The following PSMD14 variants were observed in gnomAD, a reference collection of about 807,000 sequenced individuals.
The protein encoded by PSMD14 is proteasome 26S subunit, non-ATPase 14.
A neutral mutation model predicts 41.2 loss-of-function variants in PSMD14; 7 were observed. The ratio of observed to expected loss-of-function variants is 0.17; its 90% CI spans 0.10 to 0.32. PSMD14 has a LOEUF of 0.32. PSMD14 is among the 10% of genes least tolerant of loss of function. The probability of loss-of-function intolerance (pLI) is 1.00; values close to 1 mark genes in which losing one functional copy is unlikely to be tolerated. For missense variants in PSMD14, 139 were observed against 375.6 expected (o/e 0.37, Z 5.21); for synonymous variants, 114 against 122.3 (o/e 0.93, Z 0.45).
At chr2:161,340,834 C>G in intron 3 of PSMD14, 2 of 1,613,992 alleles carry the variant, frequency 1.2e-6, no homozygotes, top group Non-Finnish European at 1.7e-6. Context: ...GTTCTCTGCT[C>G]CTCCTCCAGC....
chr2:161,400,345 G>A (rs371449473), intron 10 of PSMD14, among the ~76,000 whole-genome samples: 1 of 152,128 alleles, frequency 6.6e-6, no homozygotes, highest in Non-Finnish European at 1.5e-5. Flanking sequence ...AGAGAAGAAA[G>A]GGCAAAAGGG....
At chr2:161,340,833 T>C in intron 3 of PSMD14, 3 of 1,613,976 alleles carry the variant, frequency 1.9e-6, no homozygotes, top group South Asian at 1.1e-5. Context: ...AGTTCTCTGC[T>C]CCTCCTCCAG....
At chr2:161,406,002 AC>A (rs921851104) in intron 10 of PSMD14, among the ~76,000 whole-genome samples, 5 of 152,136 alleles carry the variant, frequency 3.3e-5, no homozygotes, top group African/African-American at 1.2e-4. Flanking sequence ...AACAACAACA[AC>A]AAAAACAACA....
chr2:161,327,722 G>A (rs115432269), intron 3 of PSMD14, among the ~76,000 whole-genome samples: 2,358 of 152,096 alleles, frequency 0.016, 46 homozygotes, highest in Non-Finnish European at 0.018. Context: ...GCAACACCAC[G>A]TAGTTCATTC....
chr2:161,380,762 A>T (rs1476458474), intron 7 of PSMD14, among the ~76,000 whole-genome samples: 1 of 152,036 alleles, frequency 6.6e-6, no homozygotes, highest in African/African-American at 2.4e-5. Context: ...AAATGGCATA[A>T]AAAGTAAGAT....
intron 3 of PSMD14, among the ~76,000 whole-genome samples, chr2:161,343,512 G>A (rs747076701): frequency 6.6e-6 from 1 of 152,178 alleles, no homozygotes; most frequent in Non-Finnish European, 1.5e-5. Flanking sequence ...GAATATTGCT[G>A]CTATGAACAT....
intron 3 of PSMD14, among the ~76,000 whole-genome samples, chr2:161,330,296 A>T (rs1421070845): frequency 6.6e-6 from 1 of 152,222 alleles, no homozygotes; most frequent in East Asian, 1.9e-4. Flanking sequence ...TTTTGGTAGA[A>T]AGTATATGGG....
At chr2:161,333,849 G>A (rs1043701794) in intron 3 of PSMD14, among the ~76,000 whole-genome samples, 1 of 151,962 alleles carries the variant, frequency 6.6e-6, no homozygotes, top group African/African-American at 2.4e-5. Flanking sequence ...TGGTCAGCAT[G>A]GTGAAACCCC....
intron 3 of PSMD14, among the ~76,000 whole-genome samples, chr2:161,323,641 T>C (rs1426939092): frequency 1.3e-5 from 2 of 151,692 alleles, no homozygotes; most frequent in Non-Finnish European, 2.9e-5. Context: ...CCAGCCTGGG[T>C]GACAGAGTGA....
At chr2:161,357,877 C>G (rs1683229487) in intron 3 of PSMD14, among the ~76,000 whole-genome samples, 1 of 147,892 alleles carries the variant, frequency 6.8e-6, no homozygotes, top group South Asian at 2.1e-4. Flanking sequence ...CCATCACATT[C>G]AATCTCCAAT....
At chr2:161,390,333 T>G (rs1000962878) in intron 8 of PSMD14, among the ~76,000 whole-genome samples, 19 of 152,152 alleles carry the variant, frequency 1.2e-4, no homozygotes, top group Admixed American at 4.6e-4. Context: ...ACTTTCATGT[T>G]TTTCTAGGCT....
chr2:161,356,975 A>G (rs1206063797), intron 3 of PSMD14, among the ~76,000 whole-genome samples: 4 of 152,074 alleles, frequency 2.6e-5, no homozygotes, highest in African/African-American at 4.8e-5. Flanking sequence ...ACTAAGAGAA[A>G]GGTGGAGTAA....
At chr2:161,331,338 G>A (rs1173223034) in intron 3 of PSMD14, among the ~76,000 whole-genome samples, 1 of 151,300 alleles carries the variant, frequency 6.6e-6, no homozygotes, top group Non-Finnish European at 1.5e-5. Flanking sequence ...TCTCGGCTCA[G>A]TGCAACCTCC....
intron 10 of PSMD14, among the ~76,000 whole-genome samples, chr2:161,404,804 G>A (rs760916548): frequency 2.6e-5 from 4 of 151,914 alleles, no homozygotes; most frequent in African/African-American, 7.3e-5. Flanking sequence ...ATACATTCCC[G>A]TGGTTCCCCT....
intron 8 of PSMD14, 65 bp downstream of exon 8, chr2:161,385,636 C>G: frequency 1.1e-6 from 1 of 904,486 alleles, no homozygotes; most frequent in Non-Finnish European, 1.7e-6. Context: ...TATAAGTAGT[C>G]TTTTTAAGTT....
intron 7 of PSMD14, among the ~76,000 whole-genome samples, chr2:161,376,291 T>C (rs1405387296): frequency 6.6e-6 from 1 of 151,714 alleles, no homozygotes; most frequent in Non-Finnish European, 1.5e-5. Context: ...GGAATCTTAG[T>C]ACCTATTTCA....
intron 5 of PSMD14, among the ~76,000 whole-genome samples, chr2:161,368,763 A>C (rs1458218803): frequency 2.0e-5 from 3 of 152,054 alleles, no homozygotes; most frequent in Admixed American, 1.3e-4. Flanking sequence ...TGTTAGTTCT[A>C]TTCGAAGTTC....
chr2:161,331,362 A>G (rs1346940176), intron 3 of PSMD14, among the ~76,000 whole-genome samples: 1 of 151,948 alleles, frequency 6.6e-6, no homozygotes, highest in Admixed American at 6.6e-5. Context: ...TCCCAGGTTC[A>G]AGCGGTTCTC....
intron 9 of PSMD14, among the ~76,000 whole-genome samples, chr2:161,392,041 A>G (rs1683719304): frequency 6.6e-6 from 1 of 152,216 alleles, no homozygotes. Context: ...AGTTTTTAAC[A>G]TTACCTGACG....
Sources: gnomAD v4.1 joint callset for allele counts (sites outside exome capture counted in the v4.1 genomes callset) on GRCh38, gnomAD v4.1.1 for gene constraint, MANE v1.5 for transcripts, NCBI Gene and HGNC (gene_info 2026-07-23, HGNC 2026-07-21) for gene names.